The following ANKRD28 variants were observed in gnomAD, a reference collection of about 807,000 sequenced individuals.
ANKRD28 encodes the protein serine/threonine-protein phosphatase 6 regulatory ankyrin repeat subunit A.
A neutral mutation model predicts 126.5 loss-of-function variants in ANKRD28; 44 were observed. That is an observed-to-expected ratio of 0.35 (90% CI 0.27 to 0.45). The LOEUF (loss-of-function observed/expected upper bound fraction) is 0.45. ANKRD28 is among the 20% of genes least tolerant of loss of function. The pLI is 1.00. For missense variants in ANKRD28, 1,110 were observed against 1,316.6 expected, an observed-to-expected ratio of 0.84 and a Z score of 2.43; for synonymous variants, 442 against 468.5, an observed-to-expected ratio of 0.94 and a Z score of 0.73.
At chr3:15,691,389 C>T (rs1303608372) in intron 17 of ANKRD28, among the ~76,000 whole-genome samples, 4 of 152,238 alleles carry the variant, frequency 2.6e-5, no homozygotes, top group Admixed American at 6.5e-5. Context: ...TCCCAAAGTG[C>T]TGGGATTACA....
chr3:15,703,666 T>C (rs2070942159), intron 14 of ANKRD28, among the ~76,000 whole-genome samples: 1 of 152,196 alleles, frequency 6.6e-6, no homozygotes, highest in African/African-American at 2.4e-5. Context: ...GTTTTTGGTA[T>C]TTTGTTATAC....
intron 11 of ANKRD28, among the ~76,000 whole-genome samples, chr3:15,711,539 T>G (rs1440685110): frequency 6.6e-6 from 1 of 152,172 alleles, no homozygotes; most frequent in Non-Finnish European, 1.5e-5. Flanking sequence ...GAAGATCACA[T>G]GTTGGGTGAG....
At chr3:15,764,457 T>C (rs2125533905) in intron 3 of ANKRD28, among the ~76,000 whole-genome samples, 1 of 152,206 alleles carries the variant, frequency 6.6e-6, no homozygotes, top group South Asian at 2.1e-4. Flanking sequence ...AAAATCCTTG[T>C]TGCAAACATT....
Position 15,712,209 on chromosome 3 carries a change from C to G in ANKRD28, c.1204G>C (p.Gly402Arg), listed in dbSNP as rs780621774. 6.3e-7 allele frequency: 1 copy of G among 1,581,270 alleles called. No individual in the cohort carries two copies. The highest frequency in any genetic ancestry group is 8.6e-7 in the Non-Finnish European group (1 of 1,162,916). ...GCTGCCAAATGGAGGGGGAACATTC[C>G]ATGTATGCCACGCCTAAAGTTAATA... ...GADTAKRGIH[G>R]MFPLHLAALS... The change falls in exon 11 of 28, where the codon GGA becomes CGA. Residue 402 changes from glycine to arginine, a missense_variant. Gly to Arg is a moderately radical substitution (Grantham distance 125, BLOSUM62 -2). Transcript: ENST00000683139.
At chr3:15,754,083 A>G (rs983508827) in intron 3 of ANKRD28, among the ~76,000 whole-genome samples, 4 of 152,236 alleles carry the variant, frequency 2.6e-5, no homozygotes, top group African/African-American at 9.6e-5. Context: ...AATTATTTTT[A>G]TCTTATCACA....
At chr3:15,827,197 A>G (rs534208354) in intron 1 of ANKRD28, among the ~76,000 whole-genome samples, 4 of 152,292 alleles carry the variant, frequency 2.6e-5, no homozygotes, top group Non-Finnish European at 5.9e-5. Context: ...CCATTATGGA[A>G]AACAGTATGA....
intron 1 of ANKRD28, among the ~76,000 whole-genome samples, chr3:15,856,642 A>G (rs2061773484): frequency 1.3e-5 from 2 of 152,260 alleles, no homozygotes; most frequent in African/African-American, 2.4e-5. Context: ...TCAGAAAGCA[A>G]TGCAGTAATA....
intron 2 of ANKRD28, among the ~76,000 whole-genome samples, chr3:15,787,511 T>A (rs1027126564): frequency 2.6e-5 from 4 of 152,178 alleles, no homozygotes; most frequent in African/African-American, 9.7e-5. Context: ...CACTCCACGT[T>A]CCATACAAGC....
At chr3:15,844,655 T>C (rs1376292160) in intron 1 of ANKRD28, among the ~76,000 whole-genome samples, 1 of 152,180 alleles carries the variant, frequency 6.6e-6, no homozygotes, top group East Asian at 1.9e-4. Context: ...CATAGGAGGT[T>C]CTAAAACCAA....
chr3:15,828,900 A>C (rs907883258), intron 1 of ANKRD28, among the ~76,000 whole-genome samples: 47 of 152,226 alleles, frequency 3.1e-4, no homozygotes, highest in Admixed American at 2.9e-3. Flanking sequence ...ACATCTGCAG[A>C]AAGTACATTC....
At chr3:15,760,705 G>A (rs2058414402) in intron 3 of ANKRD28, among the ~76,000 whole-genome samples, 1 of 152,212 alleles carries the variant, frequency 6.6e-6, no homozygotes, top group Non-Finnish European at 1.5e-5. Context: ...GAGAGACTAT[G>A]AGAGCTAGCT....
At chr3:15,795,904 G>A (rs1244394472) in intron 1 of ANKRD28, among the ~76,000 whole-genome samples, 1 of 152,110 alleles carries the variant, frequency 6.6e-6, no homozygotes, top group Non-Finnish European at 1.5e-5. Flanking sequence ...ACAGCCTCTT[G>A]ATAAGGTATA....
chr3:15,824,893 T>C (rs1439701228), intron 1 of ANKRD28, among the ~76,000 whole-genome samples: 1 of 152,218 alleles, frequency 6.6e-6, no homozygotes, highest in Non-Finnish European at 1.5e-5. Flanking sequence ...GAAATATACA[T>C]TGATACAGCC....
chr3:15,699,400 A>C (rs2070202220), intron 14 of ANKRD28, among the ~76,000 whole-genome samples: 1 of 152,214 alleles, frequency 6.6e-6, no homozygotes, highest in African/African-American at 2.4e-5. Context: ...ATGGGATCTA[A>C]TTAAACTAAA....
At chr3:15,726,201 G>C (rs995183618) in intron 6 of ANKRD28, among the ~76,000 whole-genome samples, 1 of 152,134 alleles carries the variant, frequency 6.6e-6, no homozygotes, top group Non-Finnish European at 1.5e-5. Flanking sequence ...GTGAAAGACA[G>C]TTGCATACCT....
At chr3:15,751,649 G>T in intron 4 of ANKRD28, 101 bp downstream of exon 4, 1 of 797,932 alleles carries the variant, frequency 1.3e-6, no homozygotes, top group Non-Finnish European at 2.0e-6. Context: ...TATCTCAGTA[G>T]CTTTTCCTTC....
At chr3:15,718,587 C>G (rs2073343032) in intron 8 of ANKRD28, among the ~76,000 whole-genome samples, 1 of 151,850 alleles carries the variant, frequency 6.6e-6, no homozygotes, top group Non-Finnish European at 1.5e-5. Context: ...TCAAGTGATT[C>G]ATTATCATCA....
intron 3 of ANKRD28, among the ~76,000 whole-genome samples, chr3:15,756,848 T>C (rs1484717458): frequency 4.6e-5 from 7 of 152,238 alleles, no homozygotes; most frequent in Admixed American, 4.6e-4. Flanking sequence ...CCAGATTTCA[T>C]TCTGCAAGAC....
chr3:15,792,201 G>A (rs1215654260), intron 2 of ANKRD28, among the ~76,000 whole-genome samples: 5 of 152,106 alleles, frequency 3.3e-5, no homozygotes, highest in African/African-American at 7.2e-5. Context: ...CCATATGATC[G>A]AGCAATTCCA....
Sources: allele counts gnomAD v4.1 joint callset (sites outside exome capture counted in the v4.1 genomes callset), GRCh38; gene constraint gnomAD v4.1.1; transcripts MANE v1.5; gene names NCBI Gene and HGNC (gene_info 2026-07-23, HGNC 2026-07-21).